Variants in ARHGAP27 observed in about 807,000 individuals in gnomAD.
ARHGAP27 encodes Rho GTPase activating protein 27.
A neutral mutation model predicts 102.0 loss-of-function variants in ARHGAP27; 53 were observed. The ratio of observed to expected loss-of-function variants is 0.52; its 90% CI spans 0.42 to 0.65. The LOEUF is 0.65. ARHGAP27 is among the 30% of genes least tolerant of loss of function. ARHGAP27 has a pLI of 0.00. For missense variants in ARHGAP27, 1,117 were observed against 1,256.2 expected (o/e 0.89, Z 1.68); for synonymous variants, 525 against 542.8 (o/e 0.97, Z 0.46).
chr17:45,399,381 AGGAGAT>A (rs1175273832), intron 12 of ARHGAP27, among the ~76,000 whole-genome samples: 2 of 152,070 alleles, frequency 1.3e-5, no homozygotes, highest in Non-Finnish European at 2.9e-5. Flanking sequence ...TCATGAGGTC[AGGAGAT>A]GGAGACCATT....
intron 4 of ARHGAP27, among the ~76,000 whole-genome samples, chr17:45,420,838 C>T (rs1295994661): frequency 6.6e-6 from 1 of 150,378 alleles, no homozygotes; most frequent in Non-Finnish European, 1.5e-5. Context: ...CCTGTAGTCC[C>T]AGCTACTCAG....
At chr17:45,402,985 T>C (rs986783467) in intron 11 of ARHGAP27, among the ~76,000 whole-genome samples, 167 bp from the exon 12 acceptor site, 6 of 152,202 alleles carry the variant, frequency 3.9e-5, no homozygotes, top group Non-Finnish European at 7.3e-5. Flanking sequence ...TTCTTAACCA[T>C]GGAGCCTGCT....
rs2049988784 is a variant in ARHGAP27, at chr17:45,430,708, C to A, written c.-18-411G>T. Among the ~76,000 whole-genome samples the A allele has an allele frequency of 1.3e-5, 2 of 152,202 alleles. No homozygotes were observed. Among genetic ancestry groups the A allele is most frequent in the African/African-American group, 2.4e-5 (1 of 41,440 alleles). On this transcript the variant is annotated intron_variant, in intron 3 of 19. Coordinates refer to ENST00000685559, the MANE Select transcript of ARHGAP27 (RefSeq NM_001282290.2). This position sits in a 1 kb window ranked among gnomAD's most constrained non-coding sequence, Gnocchi z 4.4. ...TTCCGTCAGTCAAGTAGGAAGAACA[C>A]CCCATTTACTGCCGCTCCCCGGCTC... is the stretch of plus-strand genomic sequence containing the variant.
Position 45,424,058 on chromosome 17 carries a change from C to G in ARHGAP27, c.657+5565G>C, listed in dbSNP as rs373332439. On this transcript the variant is annotated intron_variant, in intron 4 of 19. Coordinates refer to ENST00000685559, the MANE Select transcript of ARHGAP27 (RefSeq NM_001282290.2). ...GCTACCTCTGCTTCCTCTCTCTGGC[C>G]CAGTCCCTAGACAGACATGGAGGCC... Among the ~76,000 whole-genome samples the G allele has an allele frequency of 5.1e-3, 772 of 152,308 alleles. 8 individuals carry two copies. Among genetic ancestry groups the G allele is most frequent in the African/African-American group, 0.018 (737 of 41,562 alleles).
Position 45,395,293 on chromosome 17 carries a change from C to T in ARHGAP27, c.*163G>A. 1 of 877,480 alleles carries T rather than the reference C, an allele frequency of 1.1e-6. No homozygotes were observed. Among genetic ancestry groups the T allele is most frequent in the Non-Finnish European group, 1.7e-6 (1 of 592,396 alleles). 54.4% of individuals were successfully genotyped at this position (877,480 alleles called of 1,614,324 possible). ...GGAATCACATTTTGCAAACTGCCCA[C>T]TAGGGGTCACCGTACCCTCAGAACC... On this transcript the variant is annotated 3_prime_UTR_variant, in exon 20 of 20. Transcript: ENST00000685559.
In ARHGAP27 at chr17:45,429,865, G is replaced by A. The variant is rs1253485222; in HGVS notation, c.415C>T (p.Leu139=). ...GGCCGCAGGTACAGGCAGGCTGGCAGGCCGGGCGCCAGGCTGCTGCGCTGG... is the reference window on the plus strand; with the variant it reads ...GGCCGCAGGTACAGGCAGGCTGGCAAGCCGGGCGCCAGGCTGCTGCGCTGG... ...ATQRSSLAPG[L]PACLYLRPAA... Residue 139 remains leucine (L), a synonymous_variant, in exon 4 of 20, where the codon CTG becomes TTG. Transcript: ENST00000685559. 2 of 1,322,372 alleles carry A rather than the reference G, an allele frequency of 1.5e-6. No individual in the cohort carries two copies. The highest frequency in any genetic ancestry group is 1.9e-6 in the Non-Finnish European group (2 of 1,041,602). 81.9% of individuals were successfully genotyped at this position (1,322,372 alleles called of 1,614,324 possible).
intron 4 of ARHGAP27, among the ~76,000 whole-genome samples, chr17:45,419,508 GTATGTATATATATATATATA>G (rs1251320670): frequency 0.039 from 3,368 of 86,370 alleles, 128 homozygotes; most frequent in African/African-American, 0.14. Flanking sequence ...GACTTATGCT[GTATGTATATATATATATATA>G]TATATATATA....
intron 4 of ARHGAP27, among the ~76,000 whole-genome samples, chr17:45,424,665 G>A (rs2049374742): frequency 6.7e-6 from 1 of 148,720 alleles, no homozygotes; most frequent in African/African-American, 2.4e-5. Context: ...CTTGGGAGTG[G>A]GGGAAGGGTG....
rs183946522 is a variant in ARHGAP27, at chr17:45,407,696, T to C, written c.658-1613A>G. 3.4e-3 allele frequency: 513 copies of C among 152,072 alleles called. 7 individuals are homozygous for C. The highest frequency in any genetic ancestry group is 3.7e-3 in the Non-Finnish European group (253 of 68,014). The allele number at this position is 152,072 out of a possible 1,614,324, so 9.4% of individuals were successfully genotyped here. A position where few individuals can be genotyped will look rare whatever the true frequency, so the allele number is the denominator to read the frequency against. On this transcript the variant is annotated intron_variant, in intron 4 of 19. Transcript: ENST00000685559. ...CGCCTGGCTAATTTTTGTATTTTAG[T>C]AGAGATGGGGTTTTGCCCTGTTGGC...
intron 12 of ARHGAP27, among the ~76,000 whole-genome samples, chr17:45,398,764 A>G (rs932550878): frequency 2.0e-5 from 3 of 151,766 alleles, no homozygotes; most frequent in African/African-American, 7.3e-5. Context: ...AAACCCAGAA[A>G]CTTCCTATGT....
chr17:45,404,563 C>T (rs756673685), intron 7 of ARHGAP27, 35 bp from the exon 8 acceptor site: 8 of 1,613,744 alleles, frequency 5.0e-6, no homozygotes, highest in South Asian at 3.3e-5. Context: ...ATGATCTCTT[C>T]CTCTCTCCCC....
intron 4 of ARHGAP27, 59 bp downstream of exon 4, chr17:45,429,564 G>T: frequency 6.4e-7 from 1 of 1,573,212 alleles, no homozygotes; most frequent in Non-Finnish European, 8.6e-7. Context: ...CCCCGGCTCC[G>T]TGCGGGCGCG....
At position 45,429,844 on chromosome 17, in the gene ARHGAP27, G is replaced by T. The variant is rs1391292313; in HGVS notation, c.436C>A (p.Arg146=). 2 of 1,365,596 alleles carry T rather than the reference G, an allele frequency of 1.5e-6. No individual in the cohort carries two copies. The highest frequency in any genetic ancestry group is 9.4e-7 in the Non-Finnish European group (1 of 1,066,270). The allele number at this position is 1,365,596 out of a possible 1,614,324, so 84.6% of individuals were successfully genotyped here. A position where few individuals can be genotyped will look rare whatever the true frequency, so the allele number is the denominator to read the frequency against. ...GCGGGCCGCACGGGCGCCGCGGGCC[G>T]CAGGTACAGGCAGGCTGGCAGGCCG... ...APGLPACLYL[R]PAAPVRPAQS... Residue 146 remains arginine (R), a synonymous_variant, in exon 4 of 20, where the codon CGG becomes AGG. Transcript: ENST00000685559.
rs1354774995 is a variant in ARHGAP27 at position 45,427,191 on chromosome 17, C to T, written c.657+2432G>A. ...CCCACGAGACCACCAAGAGCTTCAG[C>T]CATTCTTGAAGCCCTGGCCACAGGG... On this transcript the variant is annotated intron_variant, in intron 4 of 19. Transcript: ENST00000685559. The surrounding 1 kb of genome is among the most constrained non-coding windows in gnomAD (Gnocchi z 4.5). 6.6e-6 allele frequency among the ~76,000 whole-genome samples: 1 copy of T among 152,188 alleles called. No individual in the cohort carries two copies. Among genetic ancestry groups the T allele is most frequent in the Non-Finnish European group, 1.5e-5 (1 of 68,028 alleles).
rs1567714346 is a variant in ARHGAP27 at position 45,410,308 on chromosome 17, CG to C, written c.658-4226del. ...CACCATCCTGGCCCCTCTGAACTGCCGGGACAGAGCCCTGGGAAGGTTTTGG... is the reference window on the plus strand; with the variant it reads ...CACCATCCTGGCCCCTCTGAACTGCCGGACAGAGCCCTGGGAAGGTTTTGG... On this transcript the variant is annotated intron_variant, in intron 4 of 19. Transcript: ENST00000685559. 4 of 1,511,944 alleles carry C rather than the reference CG, an allele frequency of 2.6e-6. No individual in the cohort carries two copies. The Admixed American group carries it at 8.5e-5, about 32-fold the overall frequency. The allele number at this position is 1,511,944 out of a possible 1,614,324, so 93.7% of individuals were successfully genotyped here.
In ARHGAP27 at chr17:45,400,914, AATAATCATAATC is replaced by A. The variant is rs71136085; in HGVS notation, c.1743+1788_1743+1799del. ...TGGGCAACAGAGTGAGACTCTGGAT[AATAATCATAATC>A]ATAATCATAATCATAATCATAATAG... is the stretch of plus-strand genomic sequence containing the variant. On this transcript the variant is annotated intron_variant, in intron 12 of 19. Coordinates refer to ENST00000685559, the MANE Select transcript of ARHGAP27 (RefSeq NM_001282290.2). Among the ~76,000 whole-genome samples, 64 of 148,054 alleles carry A rather than the reference AATAATCATAATC, an allele frequency of 4.3e-4. No individual in the cohort carries two copies. The East Asian group carries it at 8.2e-3, about 19-fold the overall frequency.
chr17:45,426,866 T>G (rs771302543), intron 4 of ARHGAP27, among the ~76,000 whole-genome samples: 33 of 152,118 alleles, frequency 2.2e-4, no homozygotes, highest in Non-Finnish European at 4.0e-4. Context: ...AGTGGTCACT[T>G]AGGGTAAGTG....
intron 12 of ARHGAP27, among the ~76,000 whole-genome samples, chr17:45,399,720 C>T (rs927153352): frequency 3.9e-5 from 6 of 151,922 alleles, no homozygotes; most frequent in Admixed American, 1.3e-4. Context: ...AGACAAGAGC[C>T]CTGCTCAAGA....
intron 12 of ARHGAP27, among the ~76,000 whole-genome samples, chr17:45,399,441 A>G (rs56220387): frequency 0.12 from 18,152 of 151,916 alleles, 1,533 homozygotes; most frequent in Middle Eastern, 0.21. Context: ...AAATGCAAAA[A>G]ATTAGCTGGG....
Sources: allele counts gnomAD v4.1 joint callset (sites outside exome capture counted in the v4.1 genomes callset), GRCh38; gene constraint gnomAD v4.1.1; non-coding constraint Gnocchi (gnomAD v3.1); transcripts MANE v1.5; gene names NCBI Gene and HGNC (gene_info 2026-07-23, HGNC 2026-07-21).